COG5: variants seen among roughly 807,000 people sequenced by gnomAD.
The protein encoded by COG5 is conserved oligomeric Golgi complex subunit 5.
In COG5, 86 loss-of-function variants were observed where a neutral mutation model predicts 110.4. The observed-to-expected ratio is 0.78, with a 90% CI of 0.65 to 0.93. The LOEUF is 0.93. COG5 is among the 40% of genes least tolerant of loss of function. COG5 has a pLI of 0.00. For synonymous variants in COG5, 360 were observed against 334.6 expected (o/e 1.08, Z -0.83); for missense variants, 1,077 against 987.0 (o/e 1.09, Z -1.22).
intron 10 of COG5, among the ~76,000 whole-genome samples, chr7:107,348,063 T>C (rs888595971): frequency 6.9e-6 from 1 of 144,518 alleles, no homozygotes; most frequent in Non-Finnish European, 1.5e-5. Context: ...GAGGTGGAAG[T>C]TGCAGTGACC....
At chr7:107,205,201 T>C (rs761042659) in intron 21 of COG5, among the ~76,000 whole-genome samples, 2 of 152,224 alleles carry the variant, frequency 1.3e-5, no homozygotes, top group Non-Finnish European at 2.9e-5. Context: ...CTGTTCTTTA[T>C]AGGAAATCTG....
At chr7:107,513,919 G>T (rs948901736) in intron 6 of COG5, among the ~76,000 whole-genome samples, 4 of 151,802 alleles carry the variant, frequency 2.6e-5, no homozygotes, top group African/African-American at 9.7e-5. Context: ...AAGAGGGGAG[G>T]GAAAGCATTA....
chr7:107,355,681 T>C (rs1812565617), intron 10 of COG5, among the ~76,000 whole-genome samples: 1 of 152,190 alleles, frequency 6.6e-6, no homozygotes, highest in African/African-American at 2.4e-5. Flanking sequence ...AAAAGGCAAC[T>C]TACTGTATAA....
At chr7:107,267,729 A>G (rs2116694988) in intron 14 of COG5, among the ~76,000 whole-genome samples, 1 of 152,254 alleles carries the variant, frequency 6.6e-6, no homozygotes, top group Non-Finnish European at 1.5e-5. Flanking sequence ...CCTAGTATTA[A>G]GCCCTAATTA....
intron 6 of COG5, chr7:107,473,101 C>T (rs1475970613): frequency 6.6e-6 from 1 of 151,614 alleles, no homozygotes; most frequent in East Asian, 1.9e-4. Context: ...ACTTTAAAAG[C>T]TTCCTCAAAA....
At chr7:107,290,648 T>C (rs1806089097) in intron 12 of COG5, among the ~76,000 whole-genome samples, 1 of 152,340 alleles carries the variant, frequency 6.6e-6, no homozygotes, top group South Asian at 2.1e-4. Flanking sequence ...GGAAAGTATT[T>C]TGCCTTCATT....
chr7:107,353,916 T>C (rs1478386583), intron 10 of COG5, among the ~76,000 whole-genome samples: 2 of 152,154 alleles, frequency 1.3e-5, no homozygotes, highest in Non-Finnish European at 2.9e-5. Context: ...AACACTAATC[T>C]ACACAGTTGT....
intron 6 of COG5, among the ~76,000 whole-genome samples, chr7:107,470,812 A>G (rs1348296943): frequency 6.6e-6 from 1 of 152,038 alleles, no homozygotes; most frequent in Non-Finnish European, 1.5e-5. Context: ...TTTTATGTTA[A>G]GTTTATTATT....
chr7:107,291,279 T>C (rs1013938957), intron 12 of COG5, among the ~76,000 whole-genome samples: 2 of 152,150 alleles, frequency 1.3e-5, no homozygotes, highest in Non-Finnish European at 2.9e-5. Flanking sequence ...ACTTGTGTAA[T>C]CTCTATCACC....
chr7:107,254,953 T>C (rs1263879733), intron 16 of COG5, among the ~76,000 whole-genome samples: 3 of 152,158 alleles, frequency 2.0e-5, no homozygotes, highest in Non-Finnish European at 4.4e-5. Context: ...AATATTAGAA[T>C]GCGTACACAA....
chr7:107,438,128 A>C (rs1794475696), intron 6 of COG5, among the ~76,000 whole-genome samples: 1 of 152,188 alleles, frequency 6.6e-6, no homozygotes, highest in South Asian at 2.1e-4. Flanking sequence ...AAAGAGAAGA[A>C]ACTTAGTTTC....
intron 19 of COG5, among the ~76,000 whole-genome samples, chr7:107,215,104 T>C (rs1048947034): frequency 7.2e-5 from 11 of 152,138 alleles, no homozygotes; most frequent in Admixed American, 1.3e-4. Flanking sequence ...TATGAGTATA[T>C]GGTTTTTGGA....
In COG5 at chr7:107,288,917, T is replaced by C. The variant is rs1364591455; in HGVS notation, c.1314-5185A>G. On this transcript the variant is annotated intron_variant, in intron 12 of 21. Transcript: ENST00000297135. ...ATGTTTTCTAACAGAGATATATATA[T>C]ATATATATATATATATATATATATA... is the stretch of plus-strand genomic sequence containing the variant. 6.5e-3 allele frequency among the ~76,000 whole-genome samples: 68 copies of C among 10,440 alleles called. 1 individual carries two copies. The highest frequency in any genetic ancestry group is 0.035 in the African/African-American group (63 of 1,826). The allele number at this position is 10,440 out of a possible 152,430, so 6.8% of individuals were successfully genotyped here.
At chr7:107,546,003 C>A (rs1461109348) in intron 5 of COG5, among the ~76,000 whole-genome samples, 1 of 152,000 alleles carries the variant, frequency 6.6e-6, no homozygotes, top group Non-Finnish European at 1.5e-5. Context: ...CTTAAGAAGA[C>A]TGAGATCATA....
At chr7:107,264,487 T>C (rs756226483) in intron 14 of COG5, among the ~76,000 whole-genome samples, 2 of 150,300 alleles carry the variant, frequency 1.3e-5, no homozygotes, top group African/African-American at 2.5e-5. Context: ...AGCCCAGGAG[T>C]TTGAGACCAG....
chr7:107,226,125 T>C (rs1800321486), intron 19 of COG5, among the ~76,000 whole-genome samples: 1 of 152,176 alleles, frequency 6.6e-6, no homozygotes, highest in South Asian at 2.1e-4. Context: ...AGTGATGCAC[T>C]AGGGAGTATT....
At chr7:107,557,629 T>C (rs1276110957) in intron 2 of COG5, among the ~76,000 whole-genome samples, 2 of 152,222 alleles carry the variant, frequency 1.3e-5, no homozygotes, top group Non-Finnish European at 2.9e-5. Flanking sequence ...GAATTGCGAA[T>C]GTAACATCCC....
At chr7:107,254,951 A>T (rs1802772153) in intron 16 of COG5, among the ~76,000 whole-genome samples, 1 of 152,188 alleles carries the variant, frequency 6.6e-6, no homozygotes, top group Non-Finnish European at 1.5e-5. Context: ...AAAATATTAG[A>T]ATGCGTACAC....
intron 11 of COG5, among the ~76,000 whole-genome samples, chr7:107,316,055 G>C (rs1370952615): frequency 2.0e-5 from 3 of 152,146 alleles, no homozygotes; most frequent in African/African-American, 7.2e-5. Context: ...TAGAATGATG[G>C]AAGACAGCCA....
Sources: allele counts gnomAD v4.1 joint callset (sites outside exome capture counted in the v4.1 genomes callset), GRCh38; gene constraint gnomAD v4.1.1; transcripts MANE v1.5; gene names NCBI Gene and HGNC (gene_info 2026-07-23, HGNC 2026-07-21).